Variants in EPB41L5 observed in about 807,000 individuals in gnomAD.
EPB41L5 encodes band 4.1-like protein 5.
In EPB41L5, 55 loss-of-function variants were observed where a neutral mutation model predicts 106.6. The observed-to-expected ratio is 0.52, with a 90% CI of 0.42 to 0.65. The LOEUF is 0.65. EPB41L5 is among the 30% of genes least tolerant of loss of function. The pLI, the probability that EPB41L5 is intolerant of heterozygous loss-of-function variation, is 0.00. For missense variants in EPB41L5, 871 were observed against 882.1 expected (o/e 0.99, Z 0.16); for synonymous variants, 297 against 306.7 (o/e 0.97, Z 0.33).
In EPB41L5 at chr2:120,174,826, C is replaced by G. The variant is rs772511804; in HGVS notation, c.2136-15C>G. 3 of 1,613,650 alleles carry G rather than the reference C, an allele frequency of 1.9e-6. No individual in the cohort carries two copies. In the South Asian group the frequency reaches 3.3e-5, roughly 18 times the overall value. On this transcript the variant is annotated splice_polypyrimidine_tract_variant and intron_variant, in intron 24 of 24. Coordinates refer to ENST00000263713, the MANE Select transcript of EPB41L5 (RefSeq NM_020909.4). ...CCAGGGGTTCCCTGAGTAACCCATTCTCTCTTCCTTTCAGCTCTGGTCCCA... is the reference window on the plus strand; with the variant it reads ...CCAGGGGTTCCCTGAGTAACCCATTGTCTCTTCCTTTCAGCTCTGGTCCCA...
At chr2:120,076,566 C>G (rs1251005609) in intron 7 of EPB41L5, among the ~76,000 whole-genome samples, 2 of 139,202 alleles carry the variant, frequency 1.4e-5, no homozygotes, top group East Asian at 4.6e-4. Context: ...TCCCAAAGTA[C>G]TGTGACTATA....
chr2:120,152,887 TG>T (rs1259919054), intron 20 of EPB41L5, among the ~76,000 whole-genome samples: 1 of 152,248 alleles, frequency 6.6e-6, no homozygotes, highest in African/African-American at 2.4e-5. Flanking sequence ...TGGAGTAAAT[TG>T]CTCATAGTAT....
chr2:120,082,502 G>A (rs1328002878), intron 10 of EPB41L5, among the ~76,000 whole-genome samples: 1 of 152,080 alleles, frequency 6.6e-6, no homozygotes, highest in African/African-American at 2.4e-5. Flanking sequence ...CCTGGATTCG[G>A]TTTGCCAGTA....
chr2:120,092,527 G>T (rs753095127), intron 13 of EPB41L5, among the ~76,000 whole-genome samples: 1 of 152,110 alleles, frequency 6.6e-6, no homozygotes, highest in Admixed American at 6.5e-5. Flanking sequence ...TAAACCTTGT[G>T]TTTGGTTTTA....
intron 3 of EPB41L5, among the ~76,000 whole-genome samples, chr2:120,054,478 T>A (rs1442608823): frequency 6.6e-6 from 1 of 152,150 alleles, no homozygotes; most frequent in Non-Finnish European, 1.5e-5. Context: ...TCATAAAGAT[T>A]TACACGTTTT....
In EPB41L5 at chr2:120,143,101, T is replaced by G. The variant is rs200778488; in HGVS notation, c.1698T>G (p.Ile566Met). 1.2e-6 allele frequency: 2 copies of G among 1,606,982 alleles called. No individual in the cohort carries two copies. Among genetic ancestry groups the G allele is most frequent in the Non-Finnish European group, 1.7e-6 (2 of 1,177,560 alleles). ...TTCCTCCTGACTTCAAGAGTAACAT[T>G]TTGAAGGCTCAAGTAGAAGCAGTGC... is the stretch of plus-strand genomic sequence containing the variant. ...MRVPPDFKSN[I>M]LKAQVEAVHK... Residue 566 changes from isoleucine (I) to methionine (M), a missense_variant, in exon 19 of 25, where the codon ATT (isoleucine) becomes ATG (methionine). Ile to Met is a conservative substitution (Grantham distance 10). Coordinates refer to ENST00000263713, the MANE Select transcript of EPB41L5 (RefSeq NM_020909.4).
chr2:120,043,115 AG>A (rs925798539), intron 3 of EPB41L5, among the ~76,000 whole-genome samples: 2 of 151,106 alleles, frequency 1.3e-5, no homozygotes, highest in African/African-American at 4.9e-5. Context: ...GAATAATTTT[AG>A]CTGTCATTTT....
chr2:120,161,848 T>C (rs1431655336), intron 21 of EPB41L5, among the ~76,000 whole-genome samples: 2 of 152,180 alleles, frequency 1.3e-5, no homozygotes, highest in African/African-American at 4.8e-5. Context: ...TCACTCCTTA[T>C]AAGGATCTAA....
At chr2:120,087,940 C>T (rs941236783) in intron 11 of EPB41L5, among the ~76,000 whole-genome samples, 1 of 152,022 alleles carries the variant, frequency 6.6e-6, no homozygotes, top group African/African-American at 2.4e-5. Context: ...ATGCAAGAAG[C>T]CAGATTTAAA....
chr2:120,121,068 G>GATT (rs147768357), intron 16 of EPB41L5, among the ~76,000 whole-genome samples: 6,949 of 152,280 alleles, frequency 0.046, 223 homozygotes, highest in Non-Finnish European at 0.071. Flanking sequence ...AGTGAGCCAA[G>GATT]ATTGTGCCAC....
At chr2:120,037,738 C>G (rs1679133914) in intron 2 of EPB41L5, among the ~76,000 whole-genome samples, 1 of 152,104 alleles carries the variant, frequency 6.6e-6, no homozygotes, top group African/African-American at 2.4e-5. Context: ...GAAACAAACC[C>G]TTGTAAATAT....
At chr2:120,134,105 T>G (rs1215615363) in intron 18 of EPB41L5, among the ~76,000 whole-genome samples, 1 of 151,958 alleles carries the variant, frequency 6.6e-6, no homozygotes, top group Non-Finnish European at 1.5e-5. Context: ...CAGGCAGTAC[T>G]TGTCATAGGC....
At chr2:120,023,911 G>A (rs1046794985) in intron 2 of EPB41L5, among the ~76,000 whole-genome samples, 3 of 152,184 alleles carry the variant, frequency 2.0e-5, no homozygotes, top group Admixed American at 1.3e-4. Flanking sequence ...CTTGTGAGTT[G>A]TATTCCTAGG....
intron 4 of EPB41L5, 22 bp from the exon 5 acceptor site, chr2:120,074,078 C>CTTT: frequency 8.0e-7 from 1 of 1,246,462 alleles, no homozygotes; most frequent in Non-Finnish European, 1.1e-6. Context: ...TTATTAAAAC[C>CTTT]TTTTTTTTTT....
intron 2 of EPB41L5, among the ~76,000 whole-genome samples, chr2:120,036,388 C>T (rs1204638512): frequency 6.6e-6 from 1 of 152,140 alleles, no homozygotes; most frequent in Non-Finnish European, 1.5e-5. Context: ...TCTATTCCCC[C>T]AGGGGTTTCT....
At chr2:120,054,951 C>G (rs1213502148) in intron 3 of EPB41L5, among the ~76,000 whole-genome samples, 1 of 149,714 alleles carries the variant, frequency 6.7e-6, no homozygotes, top group Non-Finnish European at 1.5e-5. Context: ...ACCACGACCT[C>G]TGCCTCCCGG....
At chr2:120,030,240 CAA>C (rs1361443824) in intron 2 of EPB41L5, among the ~76,000 whole-genome samples, 2 of 152,286 alleles carry the variant, frequency 1.3e-5, no homozygotes, top group African/African-American at 4.8e-5. Flanking sequence ...GCAGGACTAA[CAA>C]ATTAGCTACA....
intron 3 of EPB41L5, among the ~76,000 whole-genome samples, chr2:120,061,596 C>T (rs1681083052): frequency 6.6e-6 from 1 of 152,056 alleles, no homozygotes; most frequent in African/African-American, 2.4e-5. Context: ...AGGTGATCTG[C>T]CCTCCTCGGC....
chr2:120,083,675 C>CATT (rs1682851157), intron 10 of EPB41L5, among the ~76,000 whole-genome samples: 2 of 151,134 alleles, frequency 1.3e-5, no homozygotes, highest in Admixed American at 6.6e-5. Flanking sequence ...CTTTCTGTCT[C>CATT]GATCTGTCTA....
Sources: gnomAD v4.1 joint callset for allele counts (sites outside exome capture counted in the v4.1 genomes callset) on GRCh38, gnomAD v4.1.1 for gene constraint, MANE v1.5 for transcripts, NCBI Gene and HGNC (gene_info 2026-07-23, HGNC 2026-07-21) for gene names.